The following GRIK1 variants were observed in gnomAD, a reference collection of about 807,000 sequenced individuals.
GRIK1 encodes glutamate receptor ionotropic, kainate 1.
A neutral mutation model predicts 105.7 loss-of-function variants in GRIK1; 69 were observed. That is an observed-to-expected ratio of 0.65 (90% CI 0.54 to 0.80). The LOEUF (loss-of-function observed/expected upper bound fraction) is 0.80. Ranked by LOEUF, GRIK1 falls within the 30% of genes least tolerant of loss-of-function variation. The pLI is 0.00. For missense variants in GRIK1, 1,109 were observed against 1,167.3 expected (o/e 0.95, Z 0.73); for synonymous variants, 438 against 431.3 (o/e 1.02, Z -0.19).
At chr21:29,653,142 G>A (rs1255778753) in intron 5 of GRIK1, among the ~76,000 whole-genome samples, 1 of 152,200 alleles carries the variant, frequency 6.6e-6, no homozygotes, top group Non-Finnish European at 1.5e-5. Context: ...GGAAAAGGAT[G>A]AAAGAAGCAA....
chr21:29,794,005 C>T (rs915313838), intron 1 of GRIK1, among the ~76,000 whole-genome samples: 2 of 152,176 alleles, frequency 1.3e-5, no homozygotes, highest in African/African-American at 2.4e-5. Context: ...GCTTGAAATG[C>T]AAATTTATGT....
intron 1 of GRIK1, among the ~76,000 whole-genome samples, chr21:29,868,192 C>T (rs1316548901): frequency 6.6e-6 from 1 of 152,146 alleles, no homozygotes; most frequent in Non-Finnish European, 1.5e-5. Flanking sequence ...TGTATAGCTT[C>T]CAGAATTTTT....
At chr21:29,762,710 T>A (rs542983376) in intron 1 of GRIK1, among the ~76,000 whole-genome samples, 29 of 150,566 alleles carry the variant, frequency 1.9e-4, no homozygotes, top group African/African-American at 7.0e-4. Context: ...AGGACCACCC[T>A]GTATTCAAAT....
intron 1 of GRIK1, among the ~76,000 whole-genome samples, chr21:29,784,967 C>A (rs16984982): frequency 0.016 from 2,388 of 152,208 alleles, 61 homozygotes; most frequent in African/African-American, 0.054. Flanking sequence ...AAAATAAATC[C>A]TACTCAGGAA....
At chr21:29,593,323 G>A (rs1045759697) in intron 9 of GRIK1, among the ~76,000 whole-genome samples, 6 of 152,172 alleles carry the variant, frequency 3.9e-5, no homozygotes, top group African/African-American at 9.7e-5. Context: ...GATCTAGTGT[G>A]ATAAATATCA....
At chr21:29,742,066 C>A (rs992624848) in intron 1 of GRIK1, among the ~76,000 whole-genome samples, 5 of 152,164 alleles carry the variant, frequency 3.3e-5, no homozygotes, top group African/African-American at 4.8e-5. Flanking sequence ...GACTCTTAAC[C>A]ATATGCCTTC....
chr21:29,871,984 G>C (rs1041245141), intron 1 of GRIK1, among the ~76,000 whole-genome samples: 1 of 151,098 alleles, frequency 6.6e-6, no homozygotes, highest in Non-Finnish European at 1.5e-5. Flanking sequence ...GGCTGGTCTT[G>C]AACTCCTGAG....
chr21:29,876,112 ATGTGTGTG>A (rs1555903193), intron 1 of GRIK1, among the ~76,000 whole-genome samples: 1 of 148,974 alleles, frequency 6.7e-6, no homozygotes, highest in African/African-American at 2.5e-5. Flanking sequence ...GGAGATAGAT[ATGTGTGTG>A]TGTGTGTGTG....
chr21:29,850,862 A>T (rs184406188), intron 1 of GRIK1, among the ~76,000 whole-genome samples: 1 of 152,350 alleles, frequency 6.6e-6, no homozygotes, highest in East Asian at 1.9e-4. Flanking sequence ...AAAGCCAGAG[A>T]GTATCTCAGC....
At chr21:29,895,888 C>A (rs2070131130) in intron 1 of GRIK1, among the ~76,000 whole-genome samples, 1 of 152,138 alleles carries the variant, frequency 6.6e-6, no homozygotes, top group Non-Finnish European at 1.5e-5. Flanking sequence ...TTGAAGGCTT[C>A]CACTGACTTC....
chr21:29,904,786 A>G (rs928670215), intron 1 of GRIK1, among the ~76,000 whole-genome samples: 10 of 152,124 alleles, frequency 6.6e-5, no homozygotes, highest in Non-Finnish European at 2.9e-5. Flanking sequence ...GAACACTGTC[A>G]TGTACCCAGC....
chr21:29,644,415 A>C (rs16984619), intron 6 of GRIK1, among the ~76,000 whole-genome samples: 3 of 152,200 alleles, frequency 2.0e-5, no homozygotes, highest in Non-Finnish European at 4.4e-5. Flanking sequence ...ATGTTCACTG[A>C]CGAAGTTAAT....
chr21:29,563,535 C>T (rs1396055163), intron 14 of GRIK1, among the ~76,000 whole-genome samples: 1 of 152,142 alleles, frequency 6.6e-6, no homozygotes, highest in Non-Finnish European at 1.5e-5. Context: ...CAGCTCATGT[C>T]CCCATAACAA....
chr21:29,830,740 A>G (rs2067609015), intron 1 of GRIK1, among the ~76,000 whole-genome samples: 1 of 152,164 alleles, frequency 6.6e-6, no homozygotes, highest in African/African-American at 2.4e-5. Flanking sequence ...CTATAGAAAT[A>G]ATTTCAGTTC....
chr21:29,593,490 C>T (rs1456047612), intron 9 of GRIK1, among the ~76,000 whole-genome samples: 2 of 152,158 alleles, frequency 1.3e-5, no homozygotes, highest in African/African-American at 4.8e-5. Context: ...AAATGTAACT[C>T]TGGCTAAATA....
At chr21:29,803,728 G>T (rs2066776915) in intron 1 of GRIK1, among the ~76,000 whole-genome samples, 1 of 151,876 alleles carries the variant, frequency 6.6e-6, no homozygotes, top group African/African-American at 2.4e-5. Context: ...AAATTGGTAA[G>T]TGAGGAAAAA....
At chr21:29,544,468 T>C (rs1448762646) in intron 16 of GRIK1, among the ~76,000 whole-genome samples, 1 of 152,200 alleles carries the variant, frequency 6.6e-6, no homozygotes, top group Non-Finnish European at 1.5e-5. Context: ...TGTAATATTT[T>C]GATATTACTC....
At chr21:29,808,683 T>C (rs2066927731) in intron 1 of GRIK1, among the ~76,000 whole-genome samples, 1 of 152,182 alleles carries the variant, frequency 6.6e-6, no homozygotes, top group South Asian at 2.1e-4. Context: ...CTAAAGGGAA[T>C]TGTGTGCTTG....
intron 1 of GRIK1, among the ~76,000 whole-genome samples, chr21:29,830,302 C>T (rs1268525479): frequency 7.3e-6 from 1 of 137,252 alleles, no homozygotes; most frequent in African/African-American, 2.8e-5. Flanking sequence ...CACCCACCCA[C>T]CTCCCCACAC....
Sources: gnomAD v4.1 joint callset for allele counts (sites outside exome capture counted in the v4.1 genomes callset) on GRCh38, gnomAD v4.1.1 for gene constraint, MANE v1.5 for transcripts, NCBI Gene and HGNC (gene_info 2026-07-23, HGNC 2026-07-21) for gene names.